ESRRG: variants seen among roughly 807,000 people sequenced by gnomAD.
ESRRG encodes estrogen related receptor gamma.
A neutral mutation model predicts 44.0 loss-of-function variants in ESRRG; 13 were observed. The ratio of observed to expected loss-of-function variants is 0.30; its 90% CI spans 0.19 to 0.47. The LOEUF is 0.47. ESRRG is among the 20% of genes least tolerant of loss of function. The probability of loss-of-function intolerance (pLI) is 1.00; values close to 1 mark genes in which losing one functional copy is unlikely to be tolerated. For synonymous variants in ESRRG, 215 were observed against 214.6 expected (o/e 1.00, Z -0.02); for missense variants, 395 against 580.6 (o/e 0.68, Z 3.29).
chr1:216,779,197 AT>A (rs1434769710), intron 2 of ESRRG, among the ~76,000 whole-genome samples: 1 of 72,186 alleles, frequency 1.4e-5, no homozygotes, highest in Non-Finnish European at 2.4e-5. Flanking sequence ...ATATATTTAT[AT>A]TTATAAATAT....
chr1:216,618,149 A>T (rs551880517), intron 3 of ESRRG, among the ~76,000 whole-genome samples: 1 of 152,368 alleles, frequency 6.6e-6, no homozygotes, highest in South Asian at 2.1e-4. Flanking sequence ...CAAATGCCCT[A>T]TTTACATATT....
At chr1:217,121,309 C>T (rs772941943) in intron 1 of ESRRG, among the ~76,000 whole-genome samples, 1 of 152,186 alleles carries the variant, frequency 6.6e-6, no homozygotes, top group Admixed American at 6.5e-5. Context: ...GACTAAACCA[C>T]AGAGGAACTT....
At chr1:216,750,202 C>T (rs559158675) in intron 2 of ESRRG, among the ~76,000 whole-genome samples, 133 of 152,244 alleles carry the variant, frequency 8.7e-4, no homozygotes, top group African/African-American at 3.2e-3. Flanking sequence ...CTGCAGTTCT[C>T]CTGTGAACAA....
At chr1:216,901,848 G>A (rs1014919042) in intron 2 of ESRRG, among the ~76,000 whole-genome samples, 1 of 152,034 alleles carries the variant, frequency 6.6e-6, no homozygotes, top group African/African-American at 2.4e-5. Flanking sequence ...TAGTCTCCTG[G>A]CTCAAGTGAT....
intron 1 of ESRRG, among the ~76,000 whole-genome samples, chr1:216,694,366 G>C (rs1466338878): frequency 1.3e-5 from 2 of 152,048 alleles, no homozygotes; most frequent in African/African-American, 4.8e-5. Context: ...TACTGTAGGG[G>C]ATATGGAATC....
intron 5 of ESRRG, among the ~76,000 whole-genome samples, chr1:216,535,990 G>A (rs1472036182): frequency 6.6e-6 from 1 of 151,968 alleles, no homozygotes; most frequent in Non-Finnish European, 1.5e-5. Context: ...CCATCCCATG[G>A]CCTGTTCAGA....
At chr1:217,096,846 G>T (rs2092432281) in intron 1 of ESRRG, among the ~76,000 whole-genome samples, 1 of 152,142 alleles carries the variant, frequency 6.6e-6, no homozygotes, top group Non-Finnish European at 1.5e-5. Flanking sequence ...GCACACAGTA[G>T]ATGCTCCATA....
intron 1 of ESRRG, among the ~76,000 whole-genome samples, chr1:216,702,471 A>G (rs544786921): frequency 6.6e-6 from 1 of 152,088 alleles, no homozygotes; most frequent in Non-Finnish European, 1.5e-5. Flanking sequence ...GTTATTAGAT[A>G]TTACAGGCAA....
intron 2 of ESRRG, among the ~76,000 whole-genome samples, chr1:216,876,755 T>A (rs1339688379): frequency 2.6e-5 from 4 of 152,098 alleles, no homozygotes; most frequent in Admixed American, 6.6e-5. Flanking sequence ...TGAAGCAGAT[T>A]TAACCAGCAC....
At chr1:216,892,274 G>A (rs1383068880) in intron 2 of ESRRG, among the ~76,000 whole-genome samples, 2 of 152,100 alleles carry the variant, frequency 1.3e-5, no homozygotes, top group Admixed American at 1.3e-4. Flanking sequence ...ATACTTTAGG[G>A]GCAAATATAT....
chr1:216,564,064 T>C (rs1381611134), intron 5 of ESRRG, among the ~76,000 whole-genome samples, 155 bp downstream of exon 5: 1 of 152,172 alleles, frequency 6.6e-6, no homozygotes, highest in Non-Finnish European at 1.5e-5. Flanking sequence ...AAGGATTCTA[T>C]TAGGATATGC....
intron 2 of ESRRG, among the ~76,000 whole-genome samples, chr1:216,665,386 C>T (rs1470238573): frequency 6.6e-6 from 1 of 152,066 alleles, no homozygotes; most frequent in Non-Finnish European, 1.5e-5. Flanking sequence ...TCCTGTCATG[C>T]ACAATGACAT....
intron 2 of ESRRG, among the ~76,000 whole-genome samples, chr1:216,783,880 C>A (rs982536303): frequency 4.6e-5 from 7 of 152,196 alleles, no homozygotes; most frequent in African/African-American, 9.6e-5. Flanking sequence ...CTCTTGCACC[C>A]TCTCTCGAAG....
intron 1 of ESRRG, among the ~76,000 whole-genome samples, chr1:217,042,209 T>G (rs761295776): frequency 4.4e-4 from 67 of 152,180 alleles, no homozygotes; most frequent in South Asian, 2.1e-4. Context: ...GAATGACATA[T>G]AAATATAGAA....
At chr1:216,774,366 G>A (rs2093509753) in intron 2 of ESRRG, among the ~76,000 whole-genome samples, 1 of 152,164 alleles carries the variant, frequency 6.6e-6, no homozygotes, top group African/African-American at 2.4e-5. Flanking sequence ...TGTCATGGAT[G>A]TGAAAGCACA....
At chr1:216,993,665 C>T (rs1007811813) in intron 1 of ESRRG, among the ~76,000 whole-genome samples, 3 of 152,112 alleles carry the variant, frequency 2.0e-5, no homozygotes, top group African/African-American at 7.2e-5. Flanking sequence ...CAGTCTTGCC[C>T]ATTTATATCC....
chr1:216,749,986 C>T (rs912650559), intron 2 of ESRRG, among the ~76,000 whole-genome samples: 1 of 152,126 alleles, frequency 6.6e-6, no homozygotes, highest in Non-Finnish European at 1.5e-5. Flanking sequence ...CTAGGAAAAA[C>T]ATTTTAAAGA....
At chr1:217,097,549 G>A (rs2092441183) in intron 1 of ESRRG, among the ~76,000 whole-genome samples, 2 of 152,172 alleles carry the variant, frequency 1.3e-5, no homozygotes, top group African/African-American at 4.8e-5. Context: ...CTGCACAACC[G>A]AATGTCCTGT....
chr1:216,972,196 T>G (rs2071826779), intron 1 of ESRRG, among the ~76,000 whole-genome samples: 1 of 152,196 alleles, frequency 6.6e-6, no homozygotes, highest in East Asian at 1.9e-4. Context: ...ATGCCGGTTT[T>G]TGTCCACATT....
Sources: allele counts gnomAD v4.1 joint callset (sites outside exome capture counted in the v4.1 genomes callset), GRCh38; gene constraint gnomAD v4.1.1; transcripts MANE v1.5; gene names NCBI Gene and HGNC (gene_info 2026-07-23, HGNC 2026-07-21).